EXOC4: variants seen among roughly 807,000 people sequenced by gnomAD.
EXOC4 encodes the protein exocyst complex component 4.
Under a neutral mutation model 107.2 loss-of-function variants are expected in EXOC4, and 71 were observed. The observed-to-expected ratio is 0.66, with a 90% CI of 0.55 to 0.81. EXOC4 has a LOEUF of 0.81. Ranked by LOEUF, EXOC4 falls within the 30% of genes least tolerant of loss-of-function variation. The probability of loss-of-function intolerance (pLI) is 0.00; values close to 1 mark genes in which losing one functional copy is unlikely to be tolerated. For synonymous variants in EXOC4, 456 were observed against 441.2 expected, an observed-to-expected ratio of 1.03 and a Z score of -0.42; for missense variants, 1,108 against 1,189.6, an observed-to-expected ratio of 0.93 and a Z score of 1.01.
chr7:133,520,185 A>C (rs1799954282), intron 9 of EXOC4, among the ~76,000 whole-genome samples: 1 of 152,206 alleles, frequency 6.6e-6, no homozygotes, highest in Non-Finnish European at 1.5e-5. Context: ...TGCCACAAAT[A>C]TGACAGAAAG....
At chr7:133,870,685 G>A (rs971986828) in intron 11 of EXOC4, among the ~76,000 whole-genome samples, 1 of 152,212 alleles carries the variant, frequency 6.6e-6, no homozygotes, top group Admixed American at 6.5e-5. Flanking sequence ...AGAGTTGAGG[G>A]TAGGTGGCAA....
chr7:133,693,117 C>T (rs1232927418), intron 10 of EXOC4, among the ~76,000 whole-genome samples: 1 of 152,162 alleles, frequency 6.6e-6, no homozygotes, highest in East Asian at 1.9e-4. Context: ...TGAAGTTCCA[C>T]AATAAGCTGT....
intron 1 of EXOC4, among the ~76,000 whole-genome samples, chr7:133,261,852 C>T (rs1216879534): frequency 6.6e-6 from 1 of 152,098 alleles, no homozygotes; most frequent in Admixed American, 6.5e-5. Context: ...TGTGTGAGTT[C>T]AGATCATTAT....
chr7:133,841,152 C>T (rs965967947), intron 11 of EXOC4, among the ~76,000 whole-genome samples: 18 of 152,062 alleles, frequency 1.2e-4, no homozygotes, highest in African/African-American at 4.1e-4. Context: ...CCTCACAGGG[C>T]GGAAGGGGTG....
At chr7:133,683,087 G>C in intron 10 of EXOC4, among the ~76,000 whole-genome samples, 1 of 152,144 alleles carries the variant, frequency 6.6e-6, no homozygotes, top group East Asian at 1.9e-4. Context: ...TGACTCTTTT[G>C]AATGTCATCT....
At chr7:133,298,928 T>C (rs1227382841) in intron 3 of EXOC4, among the ~76,000 whole-genome samples, 1 of 152,214 alleles carries the variant, frequency 6.6e-6, no homozygotes, top group East Asian at 1.9e-4. Context: ...TTTAAGTCAT[T>C]GTATAGTCAT....
chr7:133,597,587 A>C (rs941413940), intron 9 of EXOC4, among the ~76,000 whole-genome samples: 3 of 146,656 alleles, frequency 2.0e-5, no homozygotes, highest in African/African-American at 7.7e-5. Flanking sequence ...CCAAAAAAAA[A>C]ACCCCGAATC....
At chr7:133,531,429 A>C (rs1800179333) in intron 9 of EXOC4, among the ~76,000 whole-genome samples, 1 of 152,176 alleles carries the variant, frequency 6.6e-6, no homozygotes, top group Non-Finnish European at 1.5e-5. Context: ...TTGGCTTCTG[A>C]CTACAGATCA....
chr7:134,035,485 A>G lies in EXOC4; in HGVS notation c.2687+27650A>G, dbSNP rs1404112194. Among the ~76,000 whole-genome samples the G allele has an allele frequency of 2.6e-5, 4 of 152,226 alleles. No individual in the cohort carries two copies. In the East Asian group the frequency reaches 5.8e-4, roughly 22 times the overall value. ...CATTTTCACACAAAAATGCTAAAAT[A>G]TAACCATAAAATACTAGAAGAAGGA... On this transcript the variant is annotated intron_variant, in intron 17 of 17. Transcript: ENST00000253861.
intron 10 of EXOC4, among the ~76,000 whole-genome samples, chr7:133,776,286 T>C (rs1425707741): frequency 6.6e-6 from 1 of 152,184 alleles, no homozygotes; most frequent in East Asian, 1.9e-4. Context: ...AAAGCAACAA[T>C]GCAGCATCCT....
chr7:133,819,510 T>C (rs1797458893), intron 11 of EXOC4, among the ~76,000 whole-genome samples: 1 of 151,998 alleles, frequency 6.6e-6, no homozygotes. Flanking sequence ...GTTGCATGGA[T>C]GGATGGATGG....
At chr7:133,888,050 G>C (rs1366854476) in intron 11 of EXOC4, among the ~76,000 whole-genome samples, 3 of 152,078 alleles carry the variant, frequency 2.0e-5, no homozygotes, top group Non-Finnish European at 4.4e-5. Flanking sequence ...TTGCCTTATA[G>C]AATATAGCTG....
intron 10 of EXOC4, among the ~76,000 whole-genome samples, chr7:133,727,173 T>C (rs1795231749): frequency 6.6e-6 from 1 of 152,214 alleles, no homozygotes; most frequent in Non-Finnish European, 1.5e-5. Context: ...TTATATACTT[T>C]AAGTAAGTGA....
At chr7:133,715,969 T>C (rs1384725737) in intron 10 of EXOC4, among the ~76,000 whole-genome samples, 1 of 152,172 alleles carries the variant, frequency 6.6e-6, no homozygotes, top group Non-Finnish European at 1.5e-5. Flanking sequence ...GGAGAACCAT[T>C]TATAGGTGAT....
chr7:133,844,120 GTTT>G (rs1265679640), intron 11 of EXOC4, among the ~76,000 whole-genome samples: 1 of 151,932 alleles, frequency 6.6e-6, no homozygotes, highest in South Asian at 2.1e-4. Flanking sequence ...TTGGCCTTAA[GTTT>G]TTTTGTTGTT....
At chr7:133,503,032 CA>C (rs1009091849) in intron 9 of EXOC4, among the ~76,000 whole-genome samples, 1 of 152,104 alleles carries the variant, frequency 6.6e-6, no homozygotes, top group African/African-American at 2.4e-5. Flanking sequence ...AAGACTAGTA[CA>C]ATCTAAATAT....
intron 10 of EXOC4, among the ~76,000 whole-genome samples, chr7:133,642,240 C>T (rs1483746442): frequency 6.6e-6 from 1 of 152,056 alleles, no homozygotes; most frequent in Non-Finnish European, 1.5e-5. Context: ...AAGCTGTGTT[C>T]CTAATGAGGG....
intron 7 of EXOC4, among the ~76,000 whole-genome samples, chr7:133,452,608 C>T (rs942420937): frequency 1.3e-5 from 2 of 149,560 alleles, no homozygotes; most frequent in Non-Finnish European, 3.0e-5. Context: ...AATGCTCATC[C>T]ATTCTAGATA....
intron 7 of EXOC4, among the ~76,000 whole-genome samples, chr7:133,393,707 G>T (rs573998766): frequency 6.6e-6 from 1 of 152,262 alleles, no homozygotes; most frequent in East Asian, 1.9e-4. Context: ...TATGAAACAG[G>T]ACAGGGGTCC....
Sources: allele counts gnomAD v4.1 joint callset (sites outside exome capture counted in the v4.1 genomes callset), GRCh38; gene constraint gnomAD v4.1.1; transcripts MANE v1.5; gene names NCBI Gene and HGNC (gene_info 2026-07-23, HGNC 2026-07-21).